UBE4B: variants seen among roughly 807,000 people sequenced by gnomAD.
UBE4B encodes ubiquitin conjugation factor E4 B.
UBE4B carries 27 observed loss-of-function variants against 148.1 expected under a neutral mutation model. The ratio of observed to expected loss-of-function variants is 0.18; its 90% CI spans 0.13 to 0.25. The LOEUF is 0.25. Ranked by LOEUF, UBE4B falls within the 10% of genes least tolerant of loss-of-function variation. The pLI is 1.00. For synonymous variants in UBE4B, 596 were observed against 619.3 expected (o/e 0.96, Z 0.56); for missense variants, 1,170 against 1,662.4 (o/e 0.70, Z 5.15).
rs556825748 is a variant in UBE4B at position 10,076,531 on chromosome 1, A to G, written c.211+4317A>G. Among the ~76,000 whole-genome samples the G allele has an allele frequency of 2.9e-3, 438 of 152,100 alleles. 1 individual carries two copies. The highest frequency in any genetic ancestry group is 5.2e-3 in the Non-Finnish European group (352 of 67,984). ...AATGCTGAGATTACACACGTGAGCT[A>G]CCACGCCTGGCCAAGAAGTGCTAAC... On this transcript the variant is annotated intron_variant, in intron 2 of 27. Transcript: ENST00000343090.
intron 1 of UBE4B, among the ~76,000 whole-genome samples, chr1:10,040,620 T>TC (rs1301199941): frequency 1.3e-5 from 2 of 149,332 alleles, no homozygotes. Context: ...TCTTCTTTTT[T>TC]CTTTTTTTTT....
At chr1:10,038,792 C>G (rs76200681) in intron 1 of UBE4B, among the ~76,000 whole-genome samples, 1 of 151,992 alleles carries the variant, frequency 6.6e-6, no homozygotes, top group African/African-American at 2.4e-5. Flanking sequence ...AAATGCCTGT[C>G]GCGTTAAAAA....
intron 5 of UBE4B, among the ~76,000 whole-genome samples, chr1:10,103,573 C>T (rs1645052079): frequency 6.7e-6 from 1 of 150,100 alleles, no homozygotes; most frequent in Admixed American, 6.6e-5. Context: ...GCTGGGACTA[C>T]AGGCGTGCAC....
At chr1:10,101,976 GGTGT>G (rs35021874) in intron 4 of UBE4B, among the ~76,000 whole-genome samples, 51 of 147,528 alleles carry the variant, frequency 3.5e-4, no homozygotes, top group South Asian at 8.6e-4. Context: ...CTGCATTTAG[GGTGT>G]GTGTGTGTGT....
intron 25 of UBE4B, among the ~76,000 whole-genome samples, chr1:10,172,651 C>T (rs1364099681): frequency 1.3e-5 from 2 of 152,098 alleles, no homozygotes; most frequent in African/African-American, 4.8e-5. Flanking sequence ...GTTCTTTACC[C>T]ATATCTCATC....
chr1:10,127,912 G>C (rs1645528363), intron 11 of UBE4B, among the ~76,000 whole-genome samples: 1 of 152,194 alleles, frequency 6.6e-6, no homozygotes, highest in Admixed American at 6.5e-5. Flanking sequence ...ATTCAAACCT[G>C]TCATGGCACT....
At chr1:10,068,809 T>C (rs1644434517) in intron 1 of UBE4B, among the ~76,000 whole-genome samples, 1 of 152,208 alleles carries the variant, frequency 6.6e-6, no homozygotes, top group East Asian at 1.9e-4. Flanking sequence ...TTAACACCAG[T>C]GTAGAAGGCA....
chr1:10,178,742 C>G lies in UBE4B; in HGVS notation c.3624C>G (p.Ala1208=), dbSNP rs146659821. Residue 1208 remains alanine (A), a synonymous_variant, in exon 26 of 28, where the codon GCC becomes GCG. Transcript: ENST00000343090. The part of the protein sequence containing the change: ...TIAIEKFKLL[A]EKVEEIVAKN... ...CAATAGAAAAATTTAAGCTGCTCGC[C>G]GAGAAAGTGGAGGAGATAGTGGCCA... The G allele has an allele frequency of 2.7e-4, 431 of 1,613,734 alleles. 1 individual carries two copies. The African/African-American group carries it at 5.0e-3, about 19-fold the overall frequency.
chr1:10,126,961 C>T, intron 11 of UBE4B, 84 bp downstream of exon 11: 1 of 1,197,386 alleles, frequency 8.4e-7, no homozygotes, highest in Non-Finnish European at 1.2e-6. Context: ...CTTTCAGGTC[C>T]ATGAGATCAA....
intron 26 of UBE4B, 135 bp from the exon 27 acceptor site, chr1:10,179,280 TA>T: frequency 1.8e-6 from 2 of 1,120,554 alleles, no homozygotes; most frequent in Non-Finnish European, 2.5e-6. Flanking sequence ...GATTTCCTTC[TA>T]AACCTGGGGG....
At chr1:10,079,242 T>A (rs1644636469) in intron 2 of UBE4B, among the ~76,000 whole-genome samples, 3 of 152,124 alleles carry the variant, frequency 2.0e-5, no homozygotes, top group African/African-American at 7.2e-5. Flanking sequence ...AGTGACGTAG[T>A]CTGCCTCCCG....
At chr1:10,098,820 A>T (rs1644966728) in intron 3 of UBE4B, among the ~76,000 whole-genome samples, 1 of 152,234 alleles carries the variant, frequency 6.6e-6, no homozygotes, top group Non-Finnish European at 1.5e-5. Flanking sequence ...AGAAGTTAGC[A>T]TCATTTTCTG....
chr1:10,151,120 G>A (rs1156808295), intron 20 of UBE4B, among the ~76,000 whole-genome samples: 17 of 150,824 alleles, frequency 1.1e-4, no homozygotes, highest in African/African-American at 2.2e-4. Context: ...CCGAGATCGC[G>A]CCACTGCACT....
intron 25 of UBE4B, among the ~76,000 whole-genome samples, chr1:10,175,881 C>T (rs1478223857): frequency 6.6e-6 from 1 of 152,006 alleles, no homozygotes; most frequent in Non-Finnish European, 1.5e-5. Flanking sequence ...AAAAGTGTAC[C>T]ATTTTGTGGC....
chr1:10,161,097 C>A lies in UBE4B; in HGVS notation c.3054-45C>A. On this transcript the variant is annotated intron_variant, in intron 22 of 27. Coordinates refer to ENST00000343090, the MANE Select transcript of UBE4B (RefSeq NM_001105562.3). This position sits in a 1 kb window ranked among gnomAD's most constrained non-coding sequence, Gnocchi z 4.1. ...CCCTGGGATTTGCTGTGGCATTTTG[C>A]TTCAGGGAGATGTATGACCATGTAC... The A allele has an allele frequency of 6.3e-7, 1 of 1,594,514 alleles. No homozygotes were observed. The highest frequency in any genetic ancestry group is 8.6e-7 in the Non-Finnish European group (1 of 1,166,494).
chr1:10,053,429 G>A (rs980534459), intron 1 of UBE4B, among the ~76,000 whole-genome samples: 1 of 151,156 alleles, frequency 6.6e-6, no homozygotes, highest in African/African-American at 2.4e-5. Context: ...GATTACAGGC[G>A]TGAGCCACTG....
At chr1:10,053,617 A>G (rs1240680293) in intron 1 of UBE4B, among the ~76,000 whole-genome samples, 1 of 151,972 alleles carries the variant, frequency 6.6e-6, no homozygotes, top group African/African-American at 2.4e-5. Flanking sequence ...TCACTTAGTA[A>G]CTGAGTCCAG....
At chr1:10,109,977 G>C (rs1274637172) in intron 7 of UBE4B, among the ~76,000 whole-genome samples, 3 of 152,142 alleles carry the variant, frequency 2.0e-5, no homozygotes, top group Non-Finnish European at 4.4e-5. Context: ...GGGATTACAG[G>C]CGTGAGCCAC....
In UBE4B at chr1:10,106,180, T is replaced by A. The variant is rs1426250031; in HGVS notation, c.810-17T>A. ...TTTGATTTTTCTCTTCTTTCCTCCCTTTCTCAACTAATTTAGCCTCTATGA... is the reference window on the plus strand; with the variant it reads ...TTTGATTTTTCTCTTCTTTCCTCCCATTCTCAACTAATTTAGCCTCTATGA... On this transcript the variant is annotated splice_polypyrimidine_tract_variant and intron_variant, in intron 6 of 27. Coordinates refer to ENST00000343090, the MANE Select transcript of UBE4B (RefSeq NM_001105562.3). This position sits in a 1 kb window ranked among gnomAD's most constrained non-coding sequence, Gnocchi z 4.2. 6.5e-7 allele frequency: 1 copy of A among 1,548,046 alleles called. No homozygotes were observed. The highest frequency in any genetic ancestry group is 2.3e-5 in the East Asian group (1 of 43,876).
Sources: allele counts gnomAD v4.1 joint callset (sites outside exome capture counted in the v4.1 genomes callset), GRCh38; gene constraint gnomAD v4.1.1; non-coding constraint Gnocchi (gnomAD v3.1); transcripts MANE v1.5; gene names NCBI Gene and HGNC (gene_info 2026-07-23, HGNC 2026-07-21).